HOOK1: variants seen among roughly 807,000 people sequenced by gnomAD.
The protein encoded by HOOK1 is hook microtubule tethering protein 1, also known as protein Hook homolog 1.
Under a neutral mutation model 112.8 loss-of-function variants are expected in HOOK1, and 60 were observed. That is an observed-to-expected ratio of 0.53 (90% CI 0.43 to 0.66). HOOK1 has a LOEUF of 0.66. Among genes scored for constraint, HOOK1 ranks in the 30% least tolerant of loss-of-function variants. The pLI is 0.00. For synonymous variants in HOOK1, 294 were observed against 283.8 expected (o/e 1.04, Z -0.36); for missense variants, 770 against 856.0 (o/e 0.90, Z 1.25).
intron 16 of HOOK1, among the ~76,000 whole-genome samples, chr1:59,864,272 A>C (rs924965124): frequency 2.0e-5 from 3 of 151,922 alleles, no homozygotes; most frequent in Admixed American, 6.6e-5. Flanking sequence ...TTTTATTCTG[A>C]ATAAATGATT....
chr1:59,830,438 A>C (rs2098393062), intron 3 of HOOK1, among the ~76,000 whole-genome samples: 1 of 152,108 alleles, frequency 6.6e-6, no homozygotes, highest in African/African-American at 2.4e-5. Context: ...TTATTATGAA[A>C]TGCTTTTCTT....
intron 1 of HOOK1, 152 bp from the exon 2 acceptor site, chr1:59,821,706 C>T: frequency 1.8e-6 from 1 of 556,920 alleles, no homozygotes; most frequent in East Asian, 3.2e-5. Context: ...TAGCATAGTT[C>T]CATTTGTTTG....
intron 2 of HOOK1, among the ~76,000 whole-genome samples, chr1:59,823,602 T>TA (rs2098387551): frequency 1.3e-5 from 2 of 152,226 alleles, no homozygotes; most frequent in Non-Finnish European, 2.9e-5. Context: ...CCTTTCTATA[T>TA]GTTTTGGTGG....
intron 9 of HOOK1, among the ~76,000 whole-genome samples, chr1:59,846,388 TA>T (rs1374167643): frequency 6.6e-6 from 1 of 151,700 alleles, no homozygotes; most frequent in Non-Finnish European, 1.5e-5. Flanking sequence ...TGGCCTTCTA[TA>T]TTATTAGTTT....
At chr1:59,849,260 G>A (rs866299391) in intron 12 of HOOK1, 77 bp downstream of exon 12, 21 of 905,268 alleles carry the variant, frequency 2.3e-5, no homozygotes, top group South Asian at 7.2e-5. Flanking sequence ...TTCTATAATC[G>A]TGGTGATGTC....
intron 8 of HOOK1, among the ~76,000 whole-genome samples, chr1:59,842,105 C>A (rs2098401317): frequency 6.6e-6 from 1 of 152,050 alleles, no homozygotes; most frequent in Non-Finnish European, 1.5e-5. Flanking sequence ...TGCCCTTGGT[C>A]CTATTCGTTT....
chr1:59,836,364 C>A (rs2098397649), intron 6 of HOOK1, among the ~76,000 whole-genome samples: 1 of 152,172 alleles, frequency 6.6e-6, no homozygotes, highest in Non-Finnish European at 1.5e-5. Context: ...CTTTTGTAGT[C>A]TGTACTCCCT....
At chr1:59,817,493 T>G (rs531845854) in intron 1 of HOOK1, among the ~76,000 whole-genome samples, 10 of 152,204 alleles carry the variant, frequency 6.6e-5, no homozygotes, top group Admixed American at 1.3e-4. Flanking sequence ...CTTTTTTTTT[T>G]AATTAACTAA....
At chr1:59,845,964 A>T (rs2098403550) in intron 9 of HOOK1, among the ~76,000 whole-genome samples, 2 of 151,888 alleles carry the variant, frequency 1.3e-5, no homozygotes, top group South Asian at 4.1e-4. Flanking sequence ...GATACAGTTT[A>T]TCAGTAACAC....
intron 19 of HOOK1, among the ~76,000 whole-genome samples, chr1:59,867,157 G>C (rs568442412): frequency 3.3e-5 from 5 of 152,130 alleles, no homozygotes; most frequent in African/African-American, 1.2e-4. Flanking sequence ...TTTAAATAAT[G>C]GTTAAGATAC....
chr1:59,862,604 T>C (rs370300167), intron 15 of HOOK1, among the ~76,000 whole-genome samples, 180 bp from the exon 16 acceptor site: 94 of 152,302 alleles, frequency 6.2e-4, no homozygotes, highest in African/African-American at 2.2e-3. Context: ...TTTTAAAAAG[T>C]ATTTTCTTAG....
Position 59,815,008 on chromosome 1 carries a change from G to A in HOOK1, c.-110G>A, listed in dbSNP as rs2098380011. ...CGCGTGAGCTGCGCGGGTCGGGCCT[G>A]GTACCGAGCTTTCCTGGGGGCTAGC... On this transcript the variant is annotated 5_prime_UTR_variant, in exon 1 of 22. Coordinates refer to ENST00000371208, the MANE Select transcript of HOOK1 (RefSeq NM_015888.6). 8.7e-7 allele frequency: 1 copy of A among 1,143,358 alleles called. No homozygotes were observed. The highest frequency in any genetic ancestry group is 1.5e-5 in the African/African-American group (1 of 65,158). 70.8% of individuals were successfully genotyped at this position (1,143,358 alleles called of 1,614,324 possible). A position where few individuals can be genotyped will look rare whatever the true frequency, so the allele number is the denominator to read the frequency against.
chr1:59,815,235 TG>T, intron 1 of HOOK1, 55 bp downstream of exon 1: 1 of 1,503,616 alleles, frequency 6.7e-7, no homozygotes. Context: ...GCGAGGAGCC[TG>T]GGGCGCCCGG....
rs1215392924 is a variant in HOOK1, at chr1:59,876,289, ATAT to A, written c.*3329_*3331del. 1 of 152,618 alleles carries A rather than the reference ATAT, an allele frequency of 6.6e-6. No homozygotes were observed. 9.5% of individuals were successfully genotyped at this position (152,618 alleles called of 1,614,324 possible). On this transcript the variant is annotated 3_prime_UTR_variant, in exon 22 of 22. Coordinates refer to ENST00000371208, the MANE Select transcript of HOOK1 (RefSeq NM_015888.6). Reference sequence around the variant, plus strand: ...TGATTTATTTTTGTAAGTATTTAGGATATTATTTTAAATAAATGATTGTCCATT... The same window carrying A: ...TGATTTATTTTTGTAAGTATTTAGGATATTTTAAATAAATGATTGTCCATT...
chr1:59,851,282 G>T (rs1447471096), intron 12 of HOOK1, among the ~76,000 whole-genome samples: 3 of 151,648 alleles, frequency 2.0e-5, no homozygotes, highest in Non-Finnish European at 3.0e-5. Context: ...CCACTTAACA[G>T]TATTAATTTT....
chr1:59,873,333 T>C lies in HOOK1; in HGVS notation c.*368T>C, dbSNP rs1468027455. On this transcript the variant is annotated 3_prime_UTR_variant, in exon 22 of 22. Coordinates refer to ENST00000371208, the MANE Select transcript of HOOK1 (RefSeq NM_015888.6). Reference sequence around the variant, plus strand: ...ATAGCTATTCAGTAATACTTAATCTTAGAACATTAATTGGATTTGTTTAAT... The same window carrying C: ...ATAGCTATTCAGTAATACTTAATCTCAGAACATTAATTGGATTTGTTTAAT... The C allele has an allele frequency of 6.4e-6, 1 of 157,366 alleles. No individual in the cohort carries two copies. Among genetic ancestry groups the C allele is most frequent in the African/African-American group, 2.4e-5 (1 of 41,688 alleles). The allele number at this position is 157,366 out of a possible 1,614,324, so 9.7% of individuals were successfully genotyped here.
intron 21 of HOOK1, among the ~76,000 whole-genome samples, chr1:59,871,616 A>C (rs1440203548): frequency 6.6e-6 from 1 of 152,190 alleles, no homozygotes. Flanking sequence ...AGGAGAAAAT[A>C]GCATAGTTTG....
intron 13 of HOOK1, 50 bp from the exon 14 acceptor site, chr1:59,858,935 T>C (rs745709167): frequency 4.3e-6 from 5 of 1,154,240 alleles, no homozygotes; most frequent in African/African-American, 3.1e-5. Context: ...GAGGGTTTTT[T>C]AAAATAGTTG....
chr1:59,822,189 A>G (rs976557580), intron 2 of HOOK1, among the ~76,000 whole-genome samples: 6 of 152,188 alleles, frequency 3.9e-5, no homozygotes, highest in Admixed American at 6.5e-5. Context: ...ATTCAAGTTA[A>G]CTTATTTTAA....
Sources: allele counts gnomAD v4.1 joint callset (sites outside exome capture counted in the v4.1 genomes callset), GRCh38; gene constraint gnomAD v4.1.1; transcripts MANE v1.5; gene names NCBI Gene and HGNC (gene_info 2026-07-23, HGNC 2026-07-21).